Variants in CFAP54 observed in about 807,000 individuals in gnomAD.
CFAP54 encodes the protein cilia- and flagella-associated protein 54.
Under a neutral mutation model 370.4 loss-of-function variants are expected in CFAP54, and 290 were observed. The ratio of observed to expected loss-of-function variants is 0.78; its 90% CI spans 0.71 to 0.86. The LOEUF is 0.86. CFAP54 is among the 40% of genes least tolerant of loss of function. The probability of loss-of-function intolerance (pLI) is 0.00; values close to 1 mark genes in which losing one functional copy is unlikely to be tolerated. For missense variants in CFAP54, 3,399 were observed against 3,528.7 expected, an observed-to-expected ratio of 0.96 and a Z score of 0.93; for synonymous variants, 1,206 against 1,236.5, an observed-to-expected ratio of 0.98 and a Z score of 0.52.
Position 96,534,198 on chromosome 12 carries a change from A to C in CFAP54, c.1676A>C (p.Gln559Pro). The change falls in exon 11 of 68, where the codon CAA becomes CCA. Residue 559 changes from glutamine to proline, a missense_variant. Physicochemically the swap from Gln to Pro is moderately conservative, Grantham distance 76. Coordinates refer to ENST00000524981, the MANE Select transcript of CFAP54 (RefSeq NM_001306084.2). ...AACTATAAAGAAGGACAGTCAACTCAAATTTATTTAAAAAAAATTGCTGTT... is the reference window on the plus strand; with the variant it reads ...AACTATAAAGAAGGACAGTCAACTCCAATTTATTTAAAAAAAATTGCTGTT... The part of the protein sequence containing the change: ...LENYKEGQST[Q>P]IYLKKIAVHD... 1 of 1,467,636 alleles carries C rather than the reference A, an allele frequency of 6.8e-7. No individual in the cohort carries two copies. The highest frequency in any genetic ancestry group is 9.1e-7 in the Non-Finnish European group (1 of 1,102,626). 90.9% of individuals were successfully genotyped at this position (1,467,636 alleles called of 1,614,324 possible). A position where few individuals can be genotyped will look rare whatever the true frequency, so the allele number is the denominator to read the frequency against.
chr12:96,502,014 C>T (rs982837336), intron 2 of CFAP54, among the ~76,000 whole-genome samples: 3 of 152,160 alleles, frequency 2.0e-5, no homozygotes, highest in Non-Finnish European at 4.4e-5. Context: ...TCCATCCTTA[C>T]ACTTTTCAGT....
At chr12:96,797,742 C>CAG (rs1424170097) in intron 63 of CFAP54, among the ~76,000 whole-genome samples, 2 of 151,938 alleles carry the variant, frequency 1.3e-5, no homozygotes, top group Admixed American at 1.3e-4. Flanking sequence ...TCAACCCTTC[C>CAG]ATGTACCTGT....
intron 48 of CFAP54, among the ~76,000 whole-genome samples, chr12:96,710,222 G>GA (rs71068828): frequency 0.25 from 38,541 of 151,928 alleles, 5,109 homozygotes; most frequent in South Asian, 0.29. Flanking sequence ...GACTGCTACT[G>GA]AAAAAATAGT....
chr12:96,802,751 G>T (rs766319575), intron 63 of CFAP54, among the ~76,000 whole-genome samples: 1 of 152,046 alleles, frequency 6.6e-6, no homozygotes, highest in Non-Finnish European at 1.5e-5. Context: ...CAACCGGTTT[G>T]CTGCACCTAT....
chr12:96,661,620 G>T (rs1956995379), intron 38 of CFAP54, among the ~76,000 whole-genome samples: 1 of 152,174 alleles, frequency 6.6e-6, no homozygotes, highest in Non-Finnish European at 1.5e-5. Context: ...GAGACTGCGG[G>T]CATGTTAGAC....
At chr12:96,628,432 A>G (rs1451556598) in intron 30 of CFAP54, among the ~76,000 whole-genome samples, 1 of 151,864 alleles carries the variant, frequency 6.6e-6, no homozygotes, top group Non-Finnish European at 1.5e-5. Flanking sequence ...TCTAAATGTG[A>G]CCTCCTCTCC....
In CFAP54 at chr12:96,630,566, C is replaced by G; in HGVS notation, c.4231C>G (p.Gln1411Glu). Residue 1411 changes from glutamine to glutamate, a missense_variant, in exon 32 of 68, where the codon CAA (glutamine) becomes GAA (glutamate). Physicochemically the swap from Gln to Glu is conservative, Grantham distance 29 (BLOSUM62 2). Transcript: ENST00000524981. ...CTCTATTAAGAGTGCAGAAATGCAA[C>G]AAAGAATAAGAAGTAAAAAAAAGGA... ...MEIGRSAEMQ[Q>E]RIRSKKKETL... The G allele has an allele frequency of 6.8e-7, 1 of 1,460,168 alleles. No individual in the cohort carries two copies. The allele number at this position is 1,460,168 out of a possible 1,614,324, so 90.5% of individuals were successfully genotyped here.
intron 57 of CFAP54, 97 bp downstream of exon 57, chr12:96,756,660 C>T: frequency 1.3e-6 from 1 of 777,114 alleles, no homozygotes; most frequent in Non-Finnish European, 2.1e-6. Flanking sequence ...GCTTGGGATG[C>T]CTTCTGAAAG....
In CFAP54 at chr12:96,625,932, C is replaced by G; in HGVS notation, c.3976+125C>G. 9.9e-6 allele frequency: 7 copies of G among 705,874 alleles called. No homozygotes were observed. The East Asian group carries it at 1.7e-4, about 17-fold the overall frequency. The allele number at this position is 705,874 out of a possible 1,614,324, so 43.7% of individuals were successfully genotyped here. Reference sequence around the variant, plus strand: ...TGTTTCAGGCAGAATATTTTGAATTCTTACCCACTCAGAATAATGCAGAAT... The same window carrying G: ...TGTTTCAGGCAGAATATTTTGAATTGTTACCCACTCAGAATAATGCAGAAT... On this transcript the variant is annotated intron_variant, in intron 29 of 67. Transcript: ENST00000524981.
At chr12:96,608,985 G>T (rs1223988878) in intron 26 of CFAP54, among the ~76,000 whole-genome samples, 4 of 152,232 alleles carry the variant, frequency 2.6e-5, no homozygotes, top group Non-Finnish European at 4.4e-5. Context: ...TTACCAGATG[G>T]GCTAAAAAGT....
chr12:96,826,341 T>A (rs1959102426), intron 65 of CFAP54, among the ~76,000 whole-genome samples: 1 of 140,796 alleles, frequency 7.1e-6, no homozygotes, highest in South Asian at 2.1e-4. Flanking sequence ...TAGTCTACAA[T>A]ATATATACTT....
chr12:96,778,185 C>G (rs1229862493), intron 60 of CFAP54, among the ~76,000 whole-genome samples: 2 of 152,148 alleles, frequency 1.3e-5, no homozygotes, highest in African/African-American at 2.4e-5. Context: ...ATTTCATTGG[C>G]TAAATTTTTT....
At chr12:96,824,525 G>A (rs1959065237) in intron 65 of CFAP54, among the ~76,000 whole-genome samples, 1 of 152,026 alleles carries the variant, frequency 6.6e-6, no homozygotes, top group Non-Finnish European at 1.5e-5. Flanking sequence ...CCTTACCTAA[G>A]CACTCAATTG....
chr12:96,559,831 ATAT>A (rs1049575900), intron 17 of CFAP54, among the ~76,000 whole-genome samples: 4 of 152,244 alleles, frequency 2.6e-5, no homozygotes, highest in East Asian at 3.9e-4. Flanking sequence ...TGATATAATA[ATAT>A]TATTGATTAT....
At chr12:96,669,896 C>T (rs1957125167) in intron 39 of CFAP54, among the ~76,000 whole-genome samples, 1 of 152,102 alleles carries the variant, frequency 6.6e-6, no homozygotes, top group Admixed American at 6.6e-5. Flanking sequence ...TTACATGGAG[C>T]ATAAACTTGA....
chr12:96,676,632 A>T lies in CFAP54; in HGVS notation c.5564-2968A>T, dbSNP rs143809743. Among the ~76,000 whole-genome samples, 237 of 151,908 alleles carry T rather than the reference A, an allele frequency of 1.6e-3. 7 individuals carry two copies. The East Asian group carries it at 0.043, about 28-fold the overall frequency. ...ACAATCTCAGCTCACTGCAACCTCC[A>T]CCTCTGGGGTTCAAGCGATTCTCCT... On this transcript the variant is annotated intron_variant, in intron 39 of 67. Transcript: ENST00000524981.
chr12:96,840,053 C>T (rs1959202246), intron 66 of CFAP54, among the ~76,000 whole-genome samples: 1 of 152,230 alleles, frequency 6.6e-6, no homozygotes, highest in Admixed American at 6.5e-5. Context: ...GACTCTACTC[C>T]TTCACTGGAG....
intron 20 of CFAP54, among the ~76,000 whole-genome samples, chr12:96,579,030 C>T (rs888764711): frequency 6.6e-6 from 1 of 152,104 alleles, no homozygotes; most frequent in African/African-American, 2.4e-5. Flanking sequence ...GAGAATTTTA[C>T]CCTCCAAATT....
chr12:96,825,310 A>AATATAATATAATATATTATATATATC, intron 65 of CFAP54, among the ~76,000 whole-genome samples: 1 of 127,818 alleles, frequency 7.8e-6, no homozygotes, highest in African/African-American at 3.0e-5. Context: ...TTATATATAT[A>AATATAATATAATATATTATATATATC]ATATAATATA....
Sources: allele counts gnomAD v4.1 joint callset (sites outside exome capture counted in the v4.1 genomes callset), GRCh38; gene constraint gnomAD v4.1.1; transcripts MANE v1.5; gene names NCBI Gene and HGNC (gene_info 2026-07-23, HGNC 2026-07-21).